Variants in GRIN2A observed in about 807,000 individuals in gnomAD.
GRIN2A encodes the protein glutamate ionotropic receptor NMDA type subunit 2A, also known as glutamate receptor ionotropic, NMDA 2A.
In GRIN2A, 22 loss-of-function variants were observed where a neutral mutation model predicts 113.4. The observed-to-expected ratio is 0.19, with a 90% CI of 0.14 to 0.28. GRIN2A has a LOEUF of 0.28. GRIN2A is among the 10% of genes least tolerant of loss of function. The pLI, the probability that GRIN2A is intolerant of heterozygous loss-of-function variation, is 1.00. For missense variants in GRIN2A, 1,502 were observed against 1,887.0 expected, an observed-to-expected ratio of 0.80 and a Z score of 3.78; for synonymous variants, 827 against 738.4, an observed-to-expected ratio of 1.12 and a Z score of -1.94.
chr16:9,798,229 G>A, intron 11 of GRIN2A, 48 bp downstream of exon 11: 2 of 1,481,178 alleles, frequency 1.4e-6, no homozygotes, highest in Non-Finnish European at 1.9e-6. Flanking sequence ...CAAAGCGAGT[G>A]TGAGGGTCTC....
At position 9,935,182 on chromosome 16, in the gene GRIN2A, G is replaced by A. The variant is rs144005717; in HGVS notation, c.1007+2777C>T. Among the ~76,000 whole-genome samples, 450 of 152,166 alleles carry A rather than the reference G, an allele frequency of 3.0e-3. 3 individuals carry two copies. Among genetic ancestry groups the A allele is most frequent in the African/African-American group, 0.01 (417 of 41,516 alleles). On this transcript the variant is annotated intron_variant, in intron 3 of 12. Coordinates refer to ENST00000330684, the MANE Select transcript of GRIN2A (RefSeq NM_001134407.3). The stretch of plus-strand genomic sequence containing the variant: ...TTCAATTGCCCTAAAATTGATTTAT[G>A]TTTCCATCAAAATTATATGTTTCTG...
chr16:10,142,423 A>T (rs531726770), intron 2 of GRIN2A, among the ~76,000 whole-genome samples: 21 of 152,318 alleles, frequency 1.4e-4, no homozygotes, highest in African/African-American at 4.6e-4. Context: ...GTGACCAGGC[A>T]TAGTGGCTCA....
rs199862009 is a variant in GRIN2A, at chr16:9,937,946, A to C, written c.1007+13T>G. ...TCTGATCCCACTTTGGGAGACAACA[A>C]GCCCTTTCTTACGGGTGCAAGGTGT... On this transcript the variant is annotated intron_variant, in intron 3 of 12. Coordinates refer to ENST00000330684, the MANE Select transcript of GRIN2A (RefSeq NM_001134407.3). 1.8e-4 allele frequency: 289 copies of C among 1,591,102 alleles called. No individual in the cohort carries two copies. The highest frequency in any genetic ancestry group is 2.4e-4 in the Non-Finnish European group (283 of 1,159,386).
At chr16:9,814,596 C>A (rs1234749985) in intron 10 of GRIN2A, among the ~76,000 whole-genome samples, 1 of 152,186 alleles carries the variant, frequency 6.6e-6, no homozygotes, top group African/African-American at 2.4e-5. Context: ...CCTGCACCCT[C>A]CTTCTGAAAT....
At chr16:10,023,898 A>G (rs1288694640) in intron 2 of GRIN2A, among the ~76,000 whole-genome samples, 1 of 152,224 alleles carries the variant, frequency 6.6e-6, no homozygotes, top group Non-Finnish European at 1.5e-5. Context: ...ACACATATTT[A>G]TTAAGCATAA....
rs982968132 is a variant in GRIN2A, at chr16:9,760,936, A to C, written c.*2213T>G. The C allele has an allele frequency of 1.3e-5, 3 of 232,542 alleles. No homozygotes were observed. The highest frequency in any genetic ancestry group is 2.6e-5 in the Non-Finnish European group (3 of 117,622). 14.4% of individuals were successfully genotyped at this position (232,542 alleles called of 1,614,324 possible). On this transcript the variant is annotated 3_prime_UTR_variant, in exon 13 of 13. Coordinates refer to ENST00000330684, the MANE Select transcript of GRIN2A (RefSeq NM_001134407.3). ...GTCATGGAGATTCAGATTTAGGATC[A>C]GATGTTGGGGTGACTATTCTGGGCC...
intron 2 of GRIN2A, among the ~76,000 whole-genome samples, chr16:10,067,820 T>C (rs572720119): frequency 2.0e-5 from 3 of 152,212 alleles, no homozygotes; most frequent in South Asian, 2.1e-4. Flanking sequence ...TAGCATGGCA[T>C]GGGTAGAGGC....
intron 3 of GRIN2A, among the ~76,000 whole-genome samples, chr16:9,925,073 T>C (rs1655473958): frequency 6.6e-6 from 1 of 152,210 alleles, no homozygotes; most frequent in South Asian, 2.1e-4. Context: ...ATGGAAGAAA[T>C]TATAAATTTT....
intron 2 of GRIN2A, among the ~76,000 whole-genome samples, chr16:10,011,823 A>G (rs2046511100): frequency 6.6e-6 from 1 of 152,198 alleles, no homozygotes; most frequent in African/African-American, 2.4e-5. Context: ...ATGCCTGTCC[A>G]AACCCCTGAG....
rs143343194 is a variant in GRIN2A at position 10,005,168 on chromosome 16, A to G, written c.415-66617T>C. Among the ~76,000 whole-genome samples the G allele has an allele frequency of 3.6e-3, 554 of 152,334 alleles. 5 individuals are homozygous for G. Among genetic ancestry groups the G allele is most frequent in the African/African-American group, 0.012 (519 of 41,586 alleles). ...ATTTGAAAAAATTGCATCTAGCAAC[A>G]TGCATCAAAGTAATTAGTTTAAGAA... On this transcript the variant is annotated intron_variant, in intron 2 of 12. Transcript: ENST00000330684.
intron 11 of GRIN2A, among the ~76,000 whole-genome samples, chr16:9,783,885 C>T (rs947468947): frequency 6.6e-6 from 1 of 152,168 alleles, no homozygotes. Context: ...AACCAAATAC[C>T]CCATGTTCTC....
At chr16:9,980,795 A>G (rs1458854734) in intron 2 of GRIN2A, among the ~76,000 whole-genome samples, 1 of 137,750 alleles carries the variant, frequency 7.3e-6, no homozygotes, top group African/African-American at 2.7e-5. Flanking sequence ...CAATGAGAAC[A>G]CATGGACACA....
chr16:10,019,182 T>C (rs2046668716), intron 2 of GRIN2A, among the ~76,000 whole-genome samples: 1 of 152,122 alleles, frequency 6.6e-6, no homozygotes, highest in African/African-American at 2.4e-5. Flanking sequence ...ACTTCATTAG[T>C]AAAATAAGGA....
intron 8 of GRIN2A, among the ~76,000 whole-genome samples, chr16:9,832,240 G>A (rs1175909756): frequency 6.6e-6 from 1 of 151,948 alleles, no homozygotes; most frequent in African/African-American, 2.4e-5. Context: ...ACAAGTATGA[G>A]CCACTGCACC....
rs150851109 is a variant in GRIN2A at position 9,848,602 on chromosome 16, T to C, written c.1328+1154A>G. On this transcript the variant is annotated intron_variant, in intron 5 of 12. Transcript: ENST00000330684. Reference sequence around the variant, plus strand: ...TTTTACATATTTTAATGTATAAAAATATATGATCTTTTATATTTTTAATAT... The same window carrying C: ...TTTTACATATTTTAATGTATAAAAACATATGATCTTTTATATTTTTAATAT... 2.7e-4 allele frequency among the ~76,000 whole-genome samples: 40 copies of C among 148,918 alleles called. No individual in the cohort carries two copies. In the East Asian group the frequency reaches 5.2e-3, roughly 20 times the overall value.
At chr16:9,768,383 A>T (rs928127239) in intron 12 of GRIN2A, among the ~76,000 whole-genome samples, 1 of 152,346 alleles carries the variant, frequency 6.6e-6, no homozygotes, top group East Asian at 1.9e-4. Flanking sequence ...AGTTACTAAT[A>T]TTTAAAAATG....
intron 2 of GRIN2A, among the ~76,000 whole-genome samples, chr16:10,134,915 CTT>C (rs1383676410): frequency 7.4e-6 from 1 of 135,774 alleles, no homozygotes; most frequent in African/African-American, 2.8e-5. Flanking sequence ...AATACTGGGA[CTT>C]TTTATCTTTC....
At chr16:10,090,372 G>C (rs932774692) in intron 2 of GRIN2A, among the ~76,000 whole-genome samples, 1 of 152,118 alleles carries the variant, frequency 6.6e-6, no homozygotes, top group East Asian at 1.9e-4. Context: ...TGAACGTTTA[G>C]AAATAAGCTC....
chr16:10,154,081 C>A (rs915999644), intron 2 of GRIN2A, among the ~76,000 whole-genome samples: 23 of 152,182 alleles, frequency 1.5e-4, no homozygotes, highest in African/African-American at 5.3e-4. Context: ...GGCAGGAGAG[C>A]CCTTTCCTGG....
Sources: allele counts gnomAD v4.1 joint callset (sites outside exome capture counted in the v4.1 genomes callset), GRCh38; gene constraint gnomAD v4.1.1; transcripts MANE v1.5; gene names NCBI Gene and HGNC (gene_info 2026-07-23, HGNC 2026-07-21).